Variants in LMNB2 observed in about 807,000 individuals in gnomAD.
LMNB2 encodes the protein lamin B2.
Under a neutral mutation model 69.3 loss-of-function variants are expected in LMNB2, and 17 were observed. That is an observed-to-expected ratio of 0.25 (90% CI 0.17 to 0.37). The LOEUF (loss-of-function observed/expected upper bound fraction) is 0.37, where lower values mean the gene tolerates loss of function less well. Ranked by LOEUF, LMNB2 falls within the 10% of genes least tolerant of loss-of-function variation. The pLI is 1.00. For missense variants in LMNB2, 789 were observed against 883.6 expected (o/e 0.89, Z 1.36); for synonymous variants, 397 against 389.3 (o/e 1.02, Z -0.23).
chr19:2,434,328 G>A lies in LMNB2; in HGVS notation c.1169C>T (p.Ala390Val). Residue 390 changes from alanine (A) to valine (V), a missense_variant, in exon 7 of 12, where the codon GCC (alanine) becomes GTC (valine). Coordinates refer to ENST00000325327, the MANE Select transcript of LMNB2 (RefSeq NM_032737.4). ...VKLALDMEIN[A>V]YRKLLEGEEE... ...CTCGCCCTCCAGGAGCTTCCGGTAG[G>A]CGTTGATCTCCATGTCCAGGGCCAG... The A allele has an allele frequency of 6.2e-7, 1 of 1,613,120 alleles. No homozygotes were observed. Among genetic ancestry groups the A allele is most frequent in the Non-Finnish European group, 8.5e-7 (1 of 1,179,990 alleles).
In LMNB2 at chr19:2,434,388, T is replaced by C. The variant is rs1209754791; in HGVS notation, c.1109A>G (p.Gln370Arg). Residue 370 changes from glutamine (Q) to arginine (R), a missense_variant, in exon 7 of 12, where the codon CAG (glutamine) becomes CGG (arginine). Transcript: ENST00000325327. ...CAGCAGCTCCTGGTACTCGGCCAGCTGCTGCTGCATCACGTCCCGCATCTC... is the reference window on the plus strand; with the variant it reads ...CAGCAGCTCCTGGTACTCGGCCAGCCGCTGCTGCATCACGTCCCGCATCTC... ...MTEMRDVMQQ[Q>R]LAEYQELLDV... 6.2e-7 allele frequency: 1 copy of C among 1,613,288 alleles called. No individual in the cohort carries two copies. Among genetic ancestry groups the C allele is most frequent in the Non-Finnish European group, 8.5e-7 (1 of 1,180,008 alleles).
In LMNB2 at chr19:2,431,669, C is replaced by G. The variant is rs758984909; in HGVS notation, c.1711-11G>C. The G allele has an allele frequency of 6.2e-7, 1 of 1,614,114 alleles. No homozygotes were observed. The highest frequency in any genetic ancestry group is 8.5e-7 in the Non-Finnish European group (1 of 1,180,008). ...CCTCATGGCCACTTCCTGTGCGGGA[C>G]AGGACACGGCGGCATGTCCCGGGAT... On this transcript the variant is annotated splice_polypyrimidine_tract_variant and intron_variant, in intron 10 of 11. Transcript: ENST00000325327.
chr19:2,438,066 C>T (rs531894704), intron 4 of LMNB2, 97 bp downstream of exon 4: 7 of 1,578,760 alleles, frequency 4.4e-6, no homozygotes, highest in East Asian at 2.2e-5. Context: ...GGAGGGACCC[C>T]GGCCACACGG....
At position 2,440,254 on chromosome 19, in the gene LMNB2, G is replaced by C. The variant is rs149517362; in HGVS notation, c.402-1723C>G. On this transcript the variant is annotated intron_variant, in intron 2 of 11. Coordinates refer to ENST00000325327, the MANE Select transcript of LMNB2 (RefSeq NM_032737.4). Reference sequence around the variant, plus strand: ...TGCCCAGGCTGGAGTGCAATGGTGCGATCTCGGTTCACTGCAACCTCCACC... The same window carrying C: ...TGCCCAGGCTGGAGTGCAATGGTGCCATCTCGGTTCACTGCAACCTCCACC... Among the ~76,000 whole-genome samples, 453 of 149,754 alleles carry C rather than the reference G, an allele frequency of 3.0e-3. 1 individual carries two copies. Among genetic ancestry groups the C allele is most frequent in the African/African-American group, 0.011 (434 of 40,546 alleles).
intron 1 of LMNB2, among the ~76,000 whole-genome samples, chr19:2,452,434 G>GA (rs1043441517): frequency 9.7e-4 from 113 of 116,678 alleles, no homozygotes; most frequent in East Asian, 7.2e-3. Flanking sequence ...ACTCTGTCTA[G>GA]AAAAAAAAAA....
intron 2 of LMNB2, among the ~76,000 whole-genome samples, chr19:2,440,733 CATCCATCT>C (rs1599336320): frequency 6.6e-6 from 1 of 152,080 alleles, no homozygotes; most frequent in South Asian, 2.1e-4. Context: ...TCCATCCATC[CATCCATCT>C]ATCCACTCAT....
chr19:2,447,533 C>T lies in LMNB2; in HGVS notation c.265-2993G>A, dbSNP rs1348920310. On this transcript the variant is annotated intron_variant, in intron 1 of 11. Transcript: ENST00000325327. This position sits in a 1 kb window ranked among gnomAD's most constrained non-coding sequence, Gnocchi z 4.4. ...TGGAGATATGAAAACGCGAAACCTA[C>T]GGGTGAGCTGGGTGAACCTTATGAG... is the stretch of plus-strand genomic sequence containing the variant. Among the ~76,000 whole-genome samples, 1 of 152,156 alleles carries T rather than the reference C, an allele frequency of 6.6e-6. No homozygotes were observed. Among genetic ancestry groups the T allele is most frequent in the Admixed American group, 6.5e-5 (1 of 15,270 alleles).
intron 6 of LMNB2, 79 bp from the exon 7 acceptor site, chr19:2,434,594 G>A: frequency 1.3e-6 from 2 of 1,535,388 alleles, no homozygotes; most frequent in Admixed American, 1.8e-5. Context: ...TGCGGGAGAT[G>A]GGCCCTCACC....
intron 1 of LMNB2, among the ~76,000 whole-genome samples, chr19:2,452,068 C>A (rs1221206017): frequency 6.6e-6 from 1 of 152,100 alleles, no homozygotes; most frequent in Non-Finnish European, 1.5e-5. Context: ...CTGCCCCCGC[C>A]CCCAGCACTC....
chr19:2,435,309 G>T, intron 4 of LMNB2, 138 bp from the exon 5 acceptor site: 1 of 1,246,774 alleles, frequency 8.0e-7, no homozygotes, highest in Non-Finnish European at 1.1e-6. Flanking sequence ...ACCGATACAC[G>T]TGCAGGTGAG....
chr19:2,433,779 T>C lies in LMNB2; in HGVS notation c.1482+47A>G, dbSNP rs1342207523. 7 of 1,484,790 alleles carry C rather than the reference T, an allele frequency of 4.7e-6. No homozygotes were observed. In the African/African-American group the frequency reaches 7.5e-5, roughly 16 times the overall value. The allele number at this position is 1,484,790 out of a possible 1,614,324, so 92.0% of individuals were successfully genotyped here. On this transcript the variant is annotated intron_variant, in intron 8 of 11. Transcript: ENST00000325327. ...GTCACCCTGACCCTGGTCACCCCCA[T>C]CAGCTGGGTCACCCCGTTACCCCCA... is the stretch of plus-strand genomic sequence containing the variant.
rs1257044952 is a variant in LMNB2 at position 2,438,480 on chromosome 19, G to C, written c.453C>G (p.Asp151Glu). The C allele has an allele frequency of 6.2e-7, 1 of 1,611,764 alleles. No homozygotes were observed. Among genetic ancestry groups the C allele is most frequent in the East Asian group, 2.2e-5 (1 of 44,882 alleles). Residue 151 changes from aspartate to glutamate, a missense_variant, in exon 3 of 12, where the codon GAC (aspartate) becomes GAG (glutamate). Around this residue, in one of 3 missense-constraint regions of LMNB2, gnomAD observed 145 missense variants for 228.9 expected, o/e 0.63. Coordinates refer to ENST00000325327, the MANE Select transcript of LMNB2 (RefSeq NM_032737.4). The part of the protein sequence containing the change: ...ELTVAQGRVK[D>E]LESLFHRSEV... ...CGCTCCGGTGGAACAGGGACTCCAGGTCCTTCACACGGCCCTGGGCCACCG... is the reference window on the plus strand; with the variant it reads ...CGCTCCGGTGGAACAGGGACTCCAGCTCCTTCACACGGCCCTGGGCCACCG...
At chr19:2,445,549 C>A (rs1971945644) in intron 1 of LMNB2, among the ~76,000 whole-genome samples, 1 of 147,750 alleles carries the variant, frequency 6.8e-6, no homozygotes, top group Non-Finnish European at 1.5e-5. Flanking sequence ...CCACCTTTCA[C>A]CCCTCGATCA....
intron 1 of LMNB2, among the ~76,000 whole-genome samples, chr19:2,454,292 C>CAAAAAA (rs58800585): frequency 7.4e-5 from 6 of 80,976 alleles, no homozygotes; most frequent in African/African-American, 2.7e-4. Flanking sequence ...GACTCTATCT[C>CAAAAAA]AAAAAAAAAA....
rs576052334 is a variant in LMNB2, at chr19:2,435,506, C to T, written c.685-335G>A. On this transcript the variant is annotated intron_variant, in intron 4 of 11. Transcript: ENST00000325327. Reference sequence around the variant, plus strand: ...TGTCCTGAAATGTCCAGGACAGGCCCATCCACAGAGACAGGGAGGGGATGC... The same window carrying T: ...TGTCCTGAAATGTCCAGGACAGGCCTATCCACAGAGACAGGGAGGGGATGC... Among the ~76,000 whole-genome samples the T allele has an allele frequency of 2.4e-3, 366 of 152,230 alleles. 3 individuals carry two copies. The highest frequency in any genetic ancestry group is 2.5e-3 in the Non-Finnish European group (171 of 68,020).
intron 2 of LMNB2, among the ~76,000 whole-genome samples, chr19:2,440,114 CTAAGTA>C (rs67156025): frequency 0.15 from 22,959 of 151,886 alleles, 2,173 homozygotes; most frequent in Non-Finnish European, 0.21. Context: ...GTATGTCTGT[CTAAGTA>C]TATCTCCATC....
At chr19:2,450,196 AC>A (rs1378982622) in intron 1 of LMNB2, among the ~76,000 whole-genome samples, 1 of 151,540 alleles carries the variant, frequency 6.6e-6, no homozygotes, top group East Asian at 1.9e-4. Flanking sequence ...CAACACACAA[AC>A]CCCCATTGAG....
intron 6 of LMNB2, 98 bp from the exon 7 acceptor site, chr19:2,434,613 G>A (rs1971796671): frequency 6.6e-7 from 1 of 1,515,646 alleles, no homozygotes; most frequent in Non-Finnish European, 8.9e-7. Flanking sequence ...CCACAGACTG[G>A]GGCAGAGACC....
Position 2,441,302 on chromosome 19 carries a change from T to A in LMNB2, c.402-2771A>T, listed in dbSNP as rs566854734. 3.2e-4 allele frequency among the ~76,000 whole-genome samples: 49 copies of A among 152,360 alleles called. No homozygotes were observed. The South Asian group carries it at 9.7e-3, about 30-fold the overall frequency. ...CGGCCAGCCGCTCTGGCGCTGGACC[T>A]GGTGTAGCCAGGGCTCTCCACACAC... is the stretch of plus-strand genomic sequence containing the variant. On this transcript the variant is annotated intron_variant, in intron 2 of 11. Transcript: ENST00000325327.
Sources: allele counts gnomAD v4.1 joint callset (sites outside exome capture counted in the v4.1 genomes callset), GRCh38; gene constraint gnomAD v4.1.1; regional missense constraint gnomAD v4.1.1; non-coding constraint Gnocchi (gnomAD v3.1); transcripts MANE v1.5; gene names NCBI Gene and HGNC (gene_info 2026-07-23, HGNC 2026-07-21).